SOX5: variants seen among roughly 807,000 people sequenced by gnomAD.
SOX5 encodes the protein SRY-box transcription factor 5, also known as transcription factor SOX-5.
Under a neutral mutation model 92.0 loss-of-function variants are expected in SOX5, and 9 were observed. The ratio of observed to expected loss-of-function variants is 0.10; its 90% CI spans 0.06 to 0.17. The LOEUF (loss-of-function observed/expected upper bound fraction) is 0.17, where lower values mean the gene tolerates loss of function less well. SOX5 is among the 10% of genes least tolerant of loss of function. The probability of loss-of-function intolerance (pLI) is 1.00; values close to 1 mark genes in which losing one functional copy is unlikely to be tolerated. For synonymous variants in SOX5, 344 were observed against 336.3 expected (o/e 1.02, Z -0.25); for missense variants, 642 against 944.5 (o/e 0.68, Z 4.20).
intron 6 of SOX5, among the ~76,000 whole-genome samples, chr12:23,672,415 T>C (rs1039289097): frequency 6.6e-6 from 1 of 152,166 alleles, no homozygotes; most frequent in African/African-American, 2.4e-5. Flanking sequence ...TTTCTTTTTC[T>C]AATTCCCCTC....
chr12:24,401,700 C>T (rs1596314863), intron 1 of SOX5, among the ~76,000 whole-genome samples: 1 of 128,972 alleles, frequency 7.8e-6, no homozygotes, highest in Non-Finnish European at 1.6e-5. Flanking sequence ...AGAGCCAGAC[C>T]CTATCTTTAA....
intron 3 of SOX5, among the ~76,000 whole-genome samples, chr12:23,790,518 ACTCT>A (rs1555343712): frequency 1.2e-4 from 10 of 80,122 alleles, no homozygotes; most frequent in African/African-American, 4.3e-4. Flanking sequence ...ACCTCTCACA[ACTCT>A]CTCTCTCTCT....
intron 3 of SOX5, among the ~76,000 whole-genome samples, chr12:24,256,755 C>G (rs1941261115): frequency 6.6e-6 from 1 of 152,162 alleles, no homozygotes; most frequent in African/African-American, 2.4e-5. Context: ...TGCACAAAGC[C>G]TCTCACTTTA....
At chr12:24,184,682 TG>T (rs758223425) in intron 4 of SOX5, among the ~76,000 whole-genome samples, 1 of 152,134 alleles carries the variant, frequency 6.6e-6, no homozygotes, top group East Asian at 1.9e-4. Flanking sequence ...TTCACAGTCT[TG>T]GTGAAACATT....
intron 1 of SOX5, among the ~76,000 whole-genome samples, chr12:23,925,157 A>G (rs973921033): frequency 2.0e-5 from 3 of 152,134 alleles, no homozygotes; most frequent in Admixed American, 6.5e-5. Flanking sequence ...ACAGATCACA[A>G]TTATGACCTC....
chr12:23,586,440 T>C (rs1950755372), intron 9 of SOX5, among the ~76,000 whole-genome samples: 2 of 152,110 alleles, frequency 1.3e-5, no homozygotes, highest in Non-Finnish European at 2.9e-5. Context: ...AATATCATTA[T>C]GATTAATCTA....
At chr12:24,505,826 GGTAT>G (rs1015208648) in intron 1 of SOX5, among the ~76,000 whole-genome samples, 5 of 83,968 alleles carry the variant, frequency 6.0e-5, no homozygotes, top group African/African-American at 2.2e-4. Context: ...GCCAAGGCTT[GGTAT>G]GTGTGTGTGT....
At chr12:23,595,755 A>C (rs997928257) in intron 9 of SOX5, among the ~76,000 whole-genome samples, 10 of 152,216 alleles carry the variant, frequency 6.6e-5, no homozygotes, top group African/African-American at 2.2e-4. Flanking sequence ...AGATGCTTTC[A>C]GTTCTCTTTA....
intron 4 of SOX5, among the ~76,000 whole-genome samples, chr12:24,090,555 C>T (rs11047253): frequency 6.6e-6 from 1 of 152,050 alleles, no homozygotes; most frequent in Non-Finnish European, 1.5e-5. Flanking sequence ...GTCAAAGGAG[C>T]CTTCTCAACA....
chr12:23,600,441 TG>T (rs890153364), intron 9 of SOX5, among the ~76,000 whole-genome samples: 33 of 148,458 alleles, frequency 2.2e-4, no homozygotes, highest in African/African-American at 7.9e-4. Flanking sequence ...TTGTAACAGC[TG>T]AGAAATTTTT....
intron 9 of SOX5, among the ~76,000 whole-genome samples, chr12:23,578,026 C>T (rs918156433): frequency 2.0e-4 from 29 of 141,700 alleles, no homozygotes; most frequent in African/African-American, 7.7e-4. Flanking sequence ...GAGGCTAAGG[C>T]AGGAGAATCA....
At chr12:24,448,405 CTTA>C (rs536162537) in intron 1 of SOX5, among the ~76,000 whole-genome samples, 1 of 152,144 alleles carries the variant, frequency 6.6e-6, no homozygotes, top group South Asian at 2.1e-4. Context: ...AAAGGAAGAA[CTTA>C]TTATAAACCT....
At chr12:24,524,643 C>T (rs1341990796) in intron 1 of SOX5, among the ~76,000 whole-genome samples, 15 of 152,000 alleles carry the variant, frequency 9.9e-5, no homozygotes, top group South Asian at 4.2e-4. Context: ...CCTGTCAGGA[C>T]GGCTAGCATC....
At chr12:24,302,557 A>AT (rs113586904) in intron 2 of SOX5, among the ~76,000 whole-genome samples, 1,507 of 148,286 alleles carry the variant, frequency 0.01, 24 homozygotes, top group African/African-American at 0.034. Flanking sequence ...ATGAGTTTTG[A>AT]TTTTTTTTTT....
chr12:23,753,046 C>T (rs1192853837), intron 4 of SOX5, among the ~76,000 whole-genome samples: 2 of 151,772 alleles, frequency 1.3e-5, no homozygotes, highest in African/African-American at 4.8e-5. Context: ...CCTTTACTAA[C>T]TCACATTGTT....
chr12:24,330,802 G>A lies in SOX5; in HGVS notation c.-174+37761C>T, dbSNP rs118139753. Among the ~76,000 whole-genome samples, 125 of 152,274 alleles carry A rather than the reference G, an allele frequency of 8.2e-4. 3 individuals carry two copies. In the East Asian group the frequency reaches 0.021, roughly 26 times the overall value. On this transcript the variant is annotated intron_variant, in intron 2 of 4. Transcript: ENST00000446891. ...ACACAATCATTTGATTGGAGTTATC[G>A]CCTCTGAAATTCCACTGAGATGAGT...
intron 3 of SOX5, among the ~76,000 whole-genome samples, chr12:23,792,256 C>T: frequency 6.6e-6 from 1 of 151,834 alleles, no homozygotes; most frequent in East Asian, 1.9e-4. Context: ...GATACGAAAA[C>T]CCCACAGTCA....
rs1417488559 is a variant in SOX5, at chr12:24,332,323, G to C, written c.-174+36240C>G. Among the ~76,000 whole-genome samples the C allele has an allele frequency of 2.0e-5, 3 of 152,128 alleles. No homozygotes were observed. The East Asian group carries it at 5.8e-4, about 29-fold the overall frequency. Reference sequence around the variant, plus strand: ...CAGCAGAACATGACTTTAAAACTCTGAAGGAAAATTATTTTGCATTTTGAA... The same window carrying C: ...CAGCAGAACATGACTTTAAAACTCTCAAGGAAAATTATTTTGCATTTTGAA... On this transcript the variant is annotated intron_variant, in intron 2 of 4. Coordinates refer to the SOX5 transcript ENST00000446891.
chr12:23,614,644 G>T (rs1472258629), intron 8 of SOX5, among the ~76,000 whole-genome samples: 1 of 152,164 alleles, frequency 6.6e-6, no homozygotes, highest in East Asian at 1.9e-4. Flanking sequence ...GTTTTTGTGT[G>T]TTTTCATTTC....
Sources: gnomAD v4.1 joint callset for allele counts (sites outside exome capture counted in the v4.1 genomes callset) on GRCh38, gnomAD v4.1.1 for gene constraint, MANE v1.5 for transcripts, NCBI Gene and HGNC (gene_info 2026-07-23, HGNC 2026-07-21) for gene names.